GTF2IRD2: variants seen among roughly 807,000 people sequenced by gnomAD.
GTF2IRD2 encodes the protein GTF2I repeat domain containing 2.
In GTF2IRD2, 8 loss-of-function variants were observed where a neutral mutation model predicts 49.2. That is an observed-to-expected ratio of 0.16 (90% CI 0.10 to 0.29). The LOEUF is 0.29. Among genes scored for constraint, GTF2IRD2 ranks in the 10% least tolerant of loss-of-function variants. The pLI is 1.00. For synonymous variants in GTF2IRD2, 47 were observed against 289.7 expected, an observed-to-expected ratio of 0.16 and a Z score of 8.51; for missense variants, 130 against 725.7, an observed-to-expected ratio of 0.18 and a Z score of 9.43.
chr7:74,835,968 G>A (rs1800270621), intron 2 of GTF2IRD2, among the ~76,000 whole-genome samples: 1 of 127,246 alleles, frequency 7.9e-6, no homozygotes. Context: ...CTGGGCAGCA[G>A]AGCAAGACTC....
In GTF2IRD2 at chr7:74,822,837, G is replaced by A. The variant is rs782336386; in HGVS notation, c.359-30C>T. 3.2e-6 allele frequency: 5 copies of A among 1,549,218 alleles called. No individual in the cohort carries two copies. The Admixed American group carries it at 8.8e-5, about 27-fold the overall frequency. On this transcript the variant is annotated intron_variant, in intron 4 of 15. Transcript: ENST00000451013. ...AAGAAGACGCAAACGTCTTTGGATGGTGTGAACCTAACGTTCTACCAGTTT... is the reference window on the plus strand; with the variant it reads ...AAGAAGACGCAAACGTCTTTGGATGATGTGAACCTAACGTTCTACCAGTTT...
chr7:74,830,567 A>T (rs1222041625), intron 3 of GTF2IRD2, among the ~76,000 whole-genome samples: 1 of 146,580 alleles, frequency 6.8e-6, no homozygotes, highest in East Asian at 2.0e-4. Flanking sequence ...TATCCTTTGC[A>T]GCAATGTGGA....
chr7:74,803,368 CG>C lies in GTF2IRD2; in HGVS notation c.1146del (p.Gly383AlafsTer8). 2.6e-6 allele frequency: 1 copy of C among 378,490 alleles called. No individual in the cohort carries two copies. Among genetic ancestry groups the C allele is most frequent in the Non-Finnish European group, 4.5e-6 (1 of 220,882 alleles). 23.4% of individuals were successfully genotyped at this position (378,490 alleles called of 1,614,324 possible). On this transcript the variant is annotated frameshift_variant, in exon 14 of 16. Transcript: ENST00000451013. LOFTEE classifies it high-confidence loss of function. ...GMPPGVVFKA[P>X]GYLEISSMRR... ...CTCATGGAACTGATTTCCAGATAGC[CG>C]GGGGCCTTGAATACCACCCCCGGGG...
intron 9 of GTF2IRD2, among the ~76,000 whole-genome samples, chr7:74,811,200 C>A (rs1206447676): frequency 6.7e-6 from 1 of 150,100 alleles, no homozygotes; most frequent in African/African-American, 2.4e-5. Flanking sequence ...GAGACCCCTT[C>A]TCTACAAAAA....
intron 3 of GTF2IRD2, among the ~76,000 whole-genome samples, chr7:74,825,802 CTTTT>C (rs71304554): frequency 3.5e-4 from 39 of 110,656 alleles, no homozygotes; most frequent in East Asian, 5.9e-4. Context: ...TTTCTTTCTT[CTTTT>C]TTTTTTTTTT....
chr7:74,826,218 C>A (rs1799379023), intron 3 of GTF2IRD2, among the ~76,000 whole-genome samples: 1 of 150,774 alleles, frequency 6.6e-6, no homozygotes, highest in African/African-American at 2.4e-5. Flanking sequence ...GCCTCCCACC[C>A]CTGAGTCTCC....
Position 74,797,366 on chromosome 7 carries a change from G to A in GTF2IRD2, c.2146C>T (p.Arg716Cys), listed in dbSNP as rs12375120. 8.8e-3 allele frequency: 11,385 copies of A among 1,299,656 alleles called. 108 individuals carry two copies. The highest frequency in any genetic ancestry group is 0.011 in the Non-Finnish European group (9,598 of 898,390). The allele number at this position is 1,299,656 out of a possible 1,614,324, so 80.5% of individuals were successfully genotyped here. ...AAAAATCTCTTTAGCACGAGCCCGC[G>A]ACTGAGCCACTTAATCTCCGTGTAG... is the stretch of plus-strand genomic sequence containing the variant. ...LYYTEIKWLS[R>C]GLVLKRFFES... Residue 716 changes from arginine to cysteine, a missense_variant, in exon 16 of 16, where the codon CGC (arginine) becomes TGC (cysteine). Physicochemically the swap from Arg to Cys is radical, Grantham distance 180. Coordinates refer to ENST00000451013, the MANE Select transcript of GTF2IRD2 (RefSeq NM_173537.5).
chr7:74,828,474 C>T (rs1217659529), intron 3 of GTF2IRD2, among the ~76,000 whole-genome samples: 4 of 131,156 alleles, frequency 3.0e-5, no homozygotes, highest in South Asian at 5.8e-4. Context: ...AGTTTGAGAC[C>T]ATGCTGGCCA....
intron 3 of GTF2IRD2, among the ~76,000 whole-genome samples, chr7:74,828,772 G>GA (rs1278948097): frequency 1.8e-4 from 9 of 49,480 alleles, no homozygotes; most frequent in African/African-American, 2.6e-4. Context: ...AACTAGGTAA[G>GA]AAAAAAAAAG....
At chr7:74,808,741 A>T (rs1290723191) in intron 11 of GTF2IRD2, among the ~76,000 whole-genome samples, 1 of 64,468 alleles carries the variant, frequency 1.6e-5, no homozygotes, top group African/African-American at 4.5e-5. Flanking sequence ...CTTCCCCACA[A>T]TTTTTTTTTT....
Position 74,851,293 on chromosome 7 carries a change from C to G in GTF2IRD2, c.-6+74G>C, listed in dbSNP as rs1801570393. On this transcript the variant is annotated intron_variant, in intron 1 of 15. Coordinates refer to ENST00000451013, the MANE Select transcript of GTF2IRD2 (RefSeq NM_173537.5). ...GGCCGGGCGGCCTCCCTTCCCCAGGCCCTCAGGAGGAGGACGTTCCGAAAG... is the reference window on the plus strand; with the variant it reads ...GGCCGGGCGGCCTCCCTTCCCCAGGGCCTCAGGAGGAGGACGTTCCGAAAG... 7 of 45,536 alleles carry G rather than the reference C, an allele frequency of 1.5e-4. 3 individuals are homozygous for G. The highest frequency in any genetic ancestry group is 9.7e-4 in the African/African-American group (7 of 7,234). The allele number at this position is 45,536 out of a possible 1,614,324, so 2.8% of individuals were successfully genotyped here. A position where few individuals can be genotyped will look rare whatever the true frequency, so the allele number is the denominator to read the frequency against.
chr7:74,809,406 G>A (rs1443222568), intron 10 of GTF2IRD2, among the ~76,000 whole-genome samples: 2 of 12,734 alleles, frequency 1.6e-4, no homozygotes, highest in East Asian at 7.6e-3. Context: ...TTGGGAGGCC[G>A]AGGTGGGCGC....
chr7:74,826,485 C>A (rs1554419698), intron 3 of GTF2IRD2, among the ~76,000 whole-genome samples: 1 of 118,514 alleles, frequency 8.4e-6, no homozygotes, highest in African/African-American at 3.4e-5. Flanking sequence ...GTCTCGAACT[C>A]CTGGCCTCAA....
intron 8 of GTF2IRD2, among the ~76,000 whole-genome samples, chr7:74,818,591 C>CT (rs1434778930): frequency 7.3e-6 from 1 of 137,844 alleles, no homozygotes; most frequent in East Asian, 2.2e-4. Flanking sequence ...TCCTGAGTAG[C>CT]TAGGATCACA....
intron 8 of GTF2IRD2, among the ~76,000 whole-genome samples, chr7:74,815,850 G>C (rs1798489270): frequency 9.2e-6 from 1 of 108,120 alleles, no homozygotes; most frequent in Non-Finnish European, 2.0e-5. Context: ...AAGAAAGAAA[G>C]AAAGAAAGAA....
At chr7:74,800,274 A>G (rs1319578863) in intron 15 of GTF2IRD2, among the ~76,000 whole-genome samples, 1 of 138,070 alleles carries the variant, frequency 7.2e-6, no homozygotes, top group East Asian at 2.1e-4. Flanking sequence ...GTGCAGTGGC[A>G]CGATCTCGGC....
intron 6 of GTF2IRD2, 81 bp downstream of exon 6, chr7:74,822,346 G>C (rs587758099): frequency 1.5e-6 from 1 of 663,530 alleles, no homozygotes; most frequent in Admixed American, 2.5e-5. Context: ...CATCACGCCC[G>C]GCCCCCAATT....
rs1485019004 is a variant in GTF2IRD2 at position 74,851,306 on chromosome 7, G to C, written c.-6+61C>G. The C allele has an allele frequency of 4.3e-5, 2 of 46,140 alleles. 1 individual carries two copies. Among genetic ancestry groups the C allele is most frequent in the Non-Finnish European group, 7.4e-5 (2 of 26,892 alleles). The allele number at this position is 46,140 out of a possible 1,614,324, so 2.9% of individuals were successfully genotyped here. ...CCCTTCCCCAGGCCCTCAGGAGGAG[G>C]ACGTTCCGAAAGGCAACCCGCCCTT... On this transcript the variant is annotated intron_variant, in intron 1 of 15. Coordinates refer to ENST00000451013, the MANE Select transcript of GTF2IRD2 (RefSeq NM_173537.5).
intron 10 of GTF2IRD2, among the ~76,000 whole-genome samples, chr7:74,809,656 A>C (rs1232338814): frequency 2.9e-5 from 1 of 34,070 alleles, no homozygotes; most frequent in Non-Finnish European, 4.8e-5. Flanking sequence ...AAAAAAAAAA[A>C]CAGAATCATT....
Sources: gnomAD v4.1 joint callset for allele counts (sites outside exome capture counted in the v4.1 genomes callset) on GRCh38, gnomAD v4.1.1 for gene constraint, MANE v1.5 for transcripts, NCBI Gene and HGNC (gene_info 2026-07-23, HGNC 2026-07-21) for gene names.